ASH1L: variants seen among roughly 807,000 people sequenced by gnomAD.
The protein encoded by ASH1L is histone-lysine N-methyltransferase ASH1L.
ASH1L carries 23 observed loss-of-function variants against 269.0 expected under a neutral mutation model. The observed-to-expected ratio is 0.09, with a 90% CI of 0.06 to 0.12. The LOEUF is 0.12. ASH1L is among the 10% of genes least tolerant of loss of function. The pLI is 1.00. For missense variants in ASH1L, 2,912 were observed against 3,567.8 expected (o/e 0.82, Z 4.68); for synonymous variants, 1,187 against 1,253.5 (o/e 0.95, Z 1.12).
chr1:155,530,151 G>A (rs1022101069), intron 1 of ASH1L, among the ~76,000 whole-genome samples: 5 of 151,774 alleles, frequency 3.3e-5, no homozygotes, highest in African/African-American at 1.2e-4. Flanking sequence ...TTTTACAGAA[G>A]AAGCATTTCC....
At chr1:155,423,815 C>T (rs954498482) in intron 5 of ASH1L, among the ~76,000 whole-genome samples, 7 of 152,150 alleles carry the variant, frequency 4.6e-5, no homozygotes, top group African/African-American at 1.7e-4. Flanking sequence ...CTGCAACCTC[C>T]ACCTCCCAGG....
chr1:155,442,604 TC>T (rs1662688814), intron 4 of ASH1L, among the ~76,000 whole-genome samples: 2 of 124,512 alleles, frequency 1.6e-5, no homozygotes, highest in Non-Finnish European at 3.5e-5. Flanking sequence ...AAAAAAAAAA[TC>T]AAAAAAAAAA....
chr1:155,527,170 T>G (rs1439872118), intron 1 of ASH1L, among the ~76,000 whole-genome samples: 1 of 151,710 alleles, frequency 6.6e-6, no homozygotes, highest in South Asian at 2.1e-4. Flanking sequence ...ATGGTGCCAC[T>G]GCACTCCAGC....
At chr1:155,515,334 A>C (rs1328283387) in intron 2 of ASH1L, among the ~76,000 whole-genome samples, 1 of 152,158 alleles carries the variant, frequency 6.6e-6, no homozygotes, top group Non-Finnish European at 1.5e-5. Context: ...CAAGCATCTC[A>C]ACAATTTTTT....
chr1:155,550,114 G>A (rs1233257335), intron 1 of ASH1L, among the ~76,000 whole-genome samples: 3 of 151,212 alleles, frequency 2.0e-5, no homozygotes, highest in East Asian at 1.9e-4. Flanking sequence ...TCCACCTCCC[G>A]AGTTCAAGCA....
intron 3 of ASH1L, among the ~76,000 whole-genome samples, chr1:155,473,960 C>T (rs573152800): frequency 6.6e-6 from 1 of 152,082 alleles, no homozygotes; most frequent in Non-Finnish European, 1.5e-5. Flanking sequence ...CTCAGCCTCC[C>T]GAGTAGCTGA....
Position 155,363,847 on chromosome 1 carries a change from C to T in ASH1L, c.6687-3438G>A, listed in dbSNP as rs184711686. On this transcript the variant is annotated intron_variant, in intron 12 of 27. Coordinates refer to ENST00000392403, the MANE Select transcript of ASH1L (RefSeq NM_018489.3). ...AATTAGCCGGGTGTAGGGACGCATGCCTTTAGTTACAGCTACTCAGGAGGC... is the reference window on the plus strand; with the variant it reads ...AATTAGCCGGGTGTAGGGACGCATGTCTTTAGTTACAGCTACTCAGGAGGC... Among the ~76,000 whole-genome samples the T allele has an allele frequency of 2.2e-4, 33 of 151,284 alleles. No homozygotes were observed. In the East Asian group the frequency reaches 6.3e-3, roughly 29 times the overall value.
Position 155,343,351 on chromosome 1 carries a change from C to T in ASH1L, c.8256G>A (p.Gly2752=), listed in dbSNP as rs1652972546. The T allele has an allele frequency of 6.2e-7, 1 of 1,614,124 alleles. No individual in the cohort carries two copies. The highest frequency in any genetic ancestry group is 8.5e-7 in the Non-Finnish European group (1 of 1,180,002). The part of the protein sequence containing the change: ...YEIIPLEAVV[G]TCCVLDLYTY... ...TATAAAGGTCCAACACACAGCAGGT[C>T]CCCACTACAGCCTCCAAGGGAATGA... The change falls in exon 24 of 28, where the codon GGG becomes GGA. Residue 2752 remains glycine (G), a synonymous_variant. Coordinates refer to ENST00000392403, the MANE Select transcript of ASH1L (RefSeq NM_018489.3). This position sits in a 1 kb window ranked among gnomAD's most constrained non-coding sequence, Gnocchi z 6.1.
chr1:155,552,989 T>C (rs1045638297), intron 1 of ASH1L, among the ~76,000 whole-genome samples: 1 of 152,184 alleles, frequency 6.6e-6, no homozygotes, highest in South Asian at 2.1e-4. Flanking sequence ...GCTATAAATA[T>C]TATCATTACT....
chr1:155,494,620 T>A (rs1466855273), intron 2 of ASH1L, among the ~76,000 whole-genome samples: 1 of 152,232 alleles, frequency 6.6e-6, no homozygotes, highest in East Asian at 1.9e-4. Context: ...GCTGCGATGA[T>A]CAGCTAACAT....
At chr1:155,473,079 C>T (rs557105061) in intron 3 of ASH1L, among the ~76,000 whole-genome samples, 1 of 152,086 alleles carries the variant, frequency 6.6e-6, no homozygotes, top group East Asian at 1.9e-4. Flanking sequence ...AGAATGATAC[C>T]AGAATATGGA....
chr1:155,349,745 C>G, intron 17 of ASH1L, 149 bp from the exon 18 acceptor site: 2 of 736,850 alleles, frequency 2.7e-6, no homozygotes, highest in Non-Finnish European at 4.1e-6. Flanking sequence ...GAGACAGAGT[C>G]TCACTCTTGT....
At chr1:155,497,493 T>C (rs1239958859) in intron 2 of ASH1L, among the ~76,000 whole-genome samples, 1 of 152,214 alleles carries the variant, frequency 6.6e-6, no homozygotes, top group Non-Finnish European at 1.5e-5. Flanking sequence ...TAACGAACAG[T>C]GTAAATATTT....
chr1:155,545,889 G>T (rs940652575), intron 1 of ASH1L, among the ~76,000 whole-genome samples: 4 of 151,968 alleles, frequency 2.6e-5, no homozygotes, highest in Non-Finnish European at 4.4e-5. Flanking sequence ...GGATGCAGTG[G>T]CTCAAGACTG....
At chr1:155,425,894 G>GTTT (rs35782870) in intron 5 of ASH1L, among the ~76,000 whole-genome samples, 1 of 143,492 alleles carries the variant, frequency 7.0e-6, no homozygotes. Context: ...TTTTTGTGGT[G>GTTT]TTTTTTTTTT....
At chr1:155,393,925 G>C (rs1349667599) in intron 7 of ASH1L, among the ~76,000 whole-genome samples, 1 of 152,024 alleles carries the variant, frequency 6.6e-6, no homozygotes, top group Admixed American at 6.6e-5. Context: ...GGAAATCCAG[G>C]GAGAGTAAGA....
intron 25 of ASH1L, among the ~76,000 whole-genome samples, chr1:155,340,569 C>A (rs1006320937): frequency 5.9e-5 from 9 of 151,940 alleles, no homozygotes. Flanking sequence ...AGGAGCTCAG[C>A]CAGGGTTTTA....
chr1:155,482,709 A>G (rs879806820), intron 2 of ASH1L, among the ~76,000 whole-genome samples: 4 of 152,200 alleles, frequency 2.6e-5, no homozygotes, highest in Non-Finnish European at 5.9e-5. Context: ...AATATCCCTG[A>G]TATTTTTGAC....
In ASH1L at chr1:155,478,513, G is replaced by C; in HGVS notation, c.4357C>G (p.Leu1453Val). The C allele has an allele frequency of 6.2e-7, 1 of 1,614,158 alleles. No individual in the cohort carries two copies. The highest frequency in any genetic ancestry group is 8.5e-7 in the Non-Finnish European group (1 of 1,180,014). ...AGGAGGGGAGTCCTGCTGGTTGTAA[G>C]AAAGGCCTCCTGTCGAAGTAGCTTA... The part of the protein sequence containing the change: ...KHKLLRQEAF[L>V]TTSRTPLLSM... The change falls in exon 3 of 28, where the codon CTT becomes GTT. Residue 1453 changes from leucine to valine, a missense_variant. Leu to Val is a conservative substitution (Grantham distance 32). Coordinates refer to ENST00000392403, the MANE Select transcript of ASH1L (RefSeq NM_018489.3). The surrounding 1 kb of genome is among the most constrained non-coding windows in gnomAD (Gnocchi z 4.6).
Sources: allele counts gnomAD v4.1 joint callset (sites outside exome capture counted in the v4.1 genomes callset), GRCh38; gene constraint gnomAD v4.1.1; non-coding constraint Gnocchi (gnomAD v3.1); transcripts MANE v1.5; gene names NCBI Gene and HGNC (gene_info 2026-07-23, HGNC 2026-07-21).